GRAMD2B: variants seen among roughly 807,000 people sequenced by gnomAD.
GRAMD2B encodes GRAM domain containing 2B.
GRAMD2B carries 41 observed loss-of-function variants against 59.2 expected under a neutral mutation model. The ratio of observed to expected loss-of-function variants is 0.69; its 90% CI spans 0.54 to 0.90. GRAMD2B has a LOEUF of 0.90. Ranked by LOEUF, GRAMD2B falls within the 40% of genes least tolerant of loss-of-function variation. GRAMD2B has a pLI of 0.00. For synonymous variants in GRAMD2B, 161 were observed against 182.7 expected (o/e 0.88, Z 0.96); for missense variants, 424 against 500.5 (o/e 0.85, Z 1.46).
chr5:126,477,923 TAA>T, intron 6 of GRAMD2B, 136 bp downstream of exon 6: 1 of 634,292 alleles, frequency 1.6e-6, no homozygotes, highest in Non-Finnish European at 2.8e-6. Flanking sequence ...GAAAATTCCA[TAA>T]GACTAATTTT....
chr5:126,483,336 T>C, intron 8 of GRAMD2B, 127 bp from the exon 9 acceptor site: 1 of 464,782 alleles, frequency 2.2e-6, no homozygotes, highest in Non-Finnish European at 3.8e-6. Context: ...CCCAGTCGTA[T>C]GGAGTAATCC....
intron 1 of GRAMD2B, among the ~76,000 whole-genome samples, chr5:126,403,709 T>C (rs1758023648): frequency 6.6e-6 from 1 of 151,996 alleles, no homozygotes; most frequent in Non-Finnish European, 1.5e-5. Flanking sequence ...CTTCCTATAC[T>C]GAGTTTCCTC....
In GRAMD2B at chr5:126,423,627, T is replaced by A. The variant is rs1760034895; in HGVS notation, c.21T>A (p.Asp7Glu). MTELQQDVEDTKPAKVL... is the reference protein window; with the variant it reads MTELQQEVEDTKPAKVL... Reference sequence around the variant, plus strand: ...CCCCGATGACTGAACTACAGCAAGATGTGGAAGACACAAAGCCTGCGAAAG... The same window carrying A: ...CCCCGATGACTGAACTACAGCAAGAAGTGGAAGACACAAAGCCTGCGAAAG... Residue 7 changes from aspartate (D) to glutamate (E), a missense_variant, in exon 1 of 14, where the codon GAT becomes GAA. Transcript: ENST00000285689. 1.9e-6 allele frequency: 3 copies of A among 1,612,482 alleles called. No individual in the cohort carries two copies. Among genetic ancestry groups the A allele is most frequent in the African/African-American group, 1.3e-5 (1 of 74,912 alleles).
At chr5:126,457,113 A>C (rs1441971139) in intron 1 of GRAMD2B, among the ~76,000 whole-genome samples, 1 of 137,526 alleles carries the variant, frequency 7.3e-6, no homozygotes, top group Non-Finnish European at 1.5e-5. Context: ...AATGGCATGA[A>C]TGTGGGAGGT....
chr5:126,419,425 T>C (rs959898142), upstream of GRAMD2B, among the ~76,000 whole-genome samples: 8 of 151,964 alleles, frequency 5.3e-5, no homozygotes, highest in African/African-American at 1.9e-4. Context: ...AGGAGGGTGG[T>C]GCTACACCAT....
chr5:126,425,572 G>C (rs950710923), intron 1 of GRAMD2B, among the ~76,000 whole-genome samples: 33 of 152,094 alleles, frequency 2.2e-4, no homozygotes, highest in African/African-American at 7.2e-4. Context: ...TTTAAAACCA[G>C]CCTGGGCAAC....
intron 1 of GRAMD2B, among the ~76,000 whole-genome samples, chr5:126,444,700 A>G (rs1763905017): frequency 6.6e-6 from 1 of 152,164 alleles, no homozygotes; most frequent in South Asian, 2.1e-4. Context: ...CTCCTCTTCA[A>G]CTTTTATTTG....
chr5:126,441,453 G>C (rs1029395208), intron 1 of GRAMD2B, among the ~76,000 whole-genome samples: 1 of 152,184 alleles, frequency 6.6e-6, no homozygotes. Flanking sequence ...CAGGGCCCCC[G>C]TCCTCTACTT....
At chr5:126,373,083 G>A (rs932735785) in intron 1 of GRAMD2B, among the ~76,000 whole-genome samples, 21 of 151,994 alleles carry the variant, frequency 1.4e-4, no homozygotes, top group African/African-American at 4.6e-4. Flanking sequence ...TATGTCACCC[G>A]CATATTTGAG....
intron 1 of GRAMD2B, among the ~76,000 whole-genome samples, chr5:126,378,347 A>G (rs1199518571): frequency 1.3e-5 from 2 of 152,260 alleles, no homozygotes; most frequent in African/African-American, 4.8e-5. Context: ...AGAATATGTC[A>G]GACAGTTAGT....
At chr5:126,416,635 T>G (rs1205853029) in intron 1 of GRAMD2B, among the ~76,000 whole-genome samples, 3 of 152,210 alleles carry the variant, frequency 2.0e-5, no homozygotes, top group South Asian at 4.1e-4. Flanking sequence ...CCCGCCAACC[T>G]TCTCCTCCTC....
Position 126,460,416 on chromosome 5 carries a change from A to G in GRAMD2B, c.84-5010A>G, listed in dbSNP as rs370255129. ...TTTATAGTTGTCCAAACAAAAATAT[A>G]TGTATCAGAATTGTAAATGGAAGAT... On this transcript the variant is annotated intron_variant, in intron 1 of 13. Coordinates refer to ENST00000285689, the MANE Select transcript of GRAMD2B (RefSeq NM_023927.4). 5.3e-5 allele frequency among the ~76,000 whole-genome samples: 8 copies of G among 152,260 alleles called. No individual in the cohort carries two copies. The East Asian group carries it at 5.8e-4, about 11-fold the overall frequency.
At chr5:126,406,182 A>G (rs1047553934) in intron 1 of GRAMD2B, among the ~76,000 whole-genome samples, 14 of 151,910 alleles carry the variant, frequency 9.2e-5, no homozygotes, top group African/African-American at 3.4e-4. Context: ...CTCGGAATAC[A>G]TCTTTTACCA....
intron 1 of GRAMD2B, chr5:126,462,266 G>A (rs968789730): frequency 3.5e-5 from 6 of 170,346 alleles, no homozygotes; most frequent in African/African-American, 9.6e-5. Context: ...TTCGTTGACC[G>A]TAACTTTAAA....
intron 1 of GRAMD2B, among the ~76,000 whole-genome samples, chr5:126,439,007 C>T (rs1762853253): frequency 6.6e-6 from 1 of 152,132 alleles, no homozygotes; most frequent in Non-Finnish European, 1.5e-5. Context: ...CAAAACATTC[C>T]TGTACACAAC....
At chr5:126,431,289 C>A (rs1761538873) in intron 1 of GRAMD2B, among the ~76,000 whole-genome samples, 1 of 152,138 alleles carries the variant, frequency 6.6e-6, no homozygotes, top group Non-Finnish European at 1.5e-5. Flanking sequence ...ACAGTATCTG[C>A]ACACCATAGG....
In GRAMD2B at chr5:126,482,113, C is replaced by T. The variant is rs528871575; in HGVS notation, c.736-1350C>T. Among the ~76,000 whole-genome samples, 84 of 152,196 alleles carry T rather than the reference C, an allele frequency of 5.5e-4. No individual in the cohort carries two copies. In the South Asian group the frequency reaches 0.013, roughly 23 times the overall value. On this transcript the variant is annotated intron_variant, in intron 8 of 13. Coordinates refer to ENST00000285689, the MANE Select transcript of GRAMD2B (RefSeq NM_023927.4). Reference sequence around the variant, plus strand: ...GTATGATTCCCTTTATATGAAATATCTTGAACAGGAAAATCCATAGGCACA... The same window carrying T: ...GTATGATTCCCTTTATATGAAATATTTTGAACAGGAAAATCCATAGGCACA...
chr5:126,379,387 A>G (rs1478222159), intron 1 of GRAMD2B, among the ~76,000 whole-genome samples: 1 of 152,106 alleles, frequency 6.6e-6, no homozygotes, highest in African/African-American at 2.4e-5. Flanking sequence ...TATCTTTTTC[A>G]TGTAATGACT....
intron 1 of GRAMD2B, among the ~76,000 whole-genome samples, chr5:126,389,182 G>T (rs1756475131): frequency 6.6e-6 from 1 of 152,170 alleles, no homozygotes; most frequent in Admixed American, 6.5e-5. Context: ...TCCTGTTAAA[G>T]GAGGGGTGAA....
Sources: gnomAD v4.1 joint callset for allele counts (sites outside exome capture counted in the v4.1 genomes callset) on GRCh38, gnomAD v4.1.1 for gene constraint, MANE v1.5 for transcripts, NCBI Gene and HGNC (gene_info 2026-07-23, HGNC 2026-07-21) for gene names.